Variants in ANAPC1 observed in about 807,000 individuals in gnomAD.
ANAPC1 encodes the protein anaphase promoting complex subunit 1, also known as anaphase-promoting complex subunit 1.
In ANAPC1, 36 loss-of-function variants were observed where a neutral mutation model predicts 208.0. The ratio of observed to expected loss-of-function variants is 0.17; its 90% confidence interval spans 0.13 to 0.23. ANAPC1 has a LOEUF of 0.23. Ranked by LOEUF, ANAPC1 falls within the 10% of genes least tolerant of loss-of-function variation. The pLI is 1.00. For synonymous variants in ANAPC1, 378 were observed against 695.2 expected (o/e 0.54, Z 7.18); for missense variants, 942 against 2,011.6 (o/e 0.47, Z 10.17).
At chr2:111,790,297 T>G (rs1677809388) in intron 38 of ANAPC1, among the ~76,000 whole-genome samples, 1 of 152,082 alleles carries the variant, frequency 6.6e-6, no homozygotes, top group Non-Finnish European at 1.5e-5. Context: ...ATTCCAATAT[T>G]TATATGAAAA....
chr2:111,830,591 G>A (rs1680077909), intron 21 of ANAPC1, among the ~76,000 whole-genome samples: 1 of 152,090 alleles, frequency 6.6e-6, no homozygotes, highest in African/African-American at 2.4e-5. Context: ...GTAGAAACCA[G>A]AAGAAAATAT....
intron 34 of ANAPC1, among the ~76,000 whole-genome samples, chr2:111,798,309 C>T (rs1346891876): frequency 2.6e-5 from 4 of 152,184 alleles, no homozygotes; most frequent in East Asian, 3.9e-4. Flanking sequence ...CTGTGTTTAC[C>T]GTGCTTGAAC....
At chr2:111,867,351 G>C (rs1286814167) in intron 7 of ANAPC1, among the ~76,000 whole-genome samples, 1 of 151,706 alleles carries the variant, frequency 6.6e-6, no homozygotes. Context: ...ACATGCTGCA[G>C]GCCAGATTTA....
chr2:111,794,504 C>T (rs1678053423), intron 35 of ANAPC1, among the ~76,000 whole-genome samples, 181 bp from the exon 36 acceptor site: 1 of 152,018 alleles, frequency 6.6e-6, no homozygotes, highest in African/African-American at 2.4e-5. Flanking sequence ...GGTCACCTTA[C>T]TCATGAAGTT....
At chr2:111,859,431 A>G (rs143849953) in intron 10 of ANAPC1, among the ~76,000 whole-genome samples, 9,023 of 152,176 alleles carry the variant, frequency 0.059, 410 homozygotes, top group Non-Finnish European at 0.075. Flanking sequence ...AGATCACGCC[A>G]TTGCACTCCA....
At chr2:111,806,992 T>C (rs1243149352) in intron 29 of ANAPC1, among the ~76,000 whole-genome samples, 1 of 67,546 alleles carries the variant, frequency 1.5e-5, no homozygotes, top group Non-Finnish European at 2.8e-5. Context: ...GGTCAACGAG[T>C]TCGAGACCAG....
chr2:111,847,589 G>A (rs1040905216), intron 15 of ANAPC1, 136 bp downstream of exon 15: 28 of 1,261,438 alleles, frequency 2.2e-5, no homozygotes, highest in Middle Eastern at 2.6e-4. Flanking sequence ...AAGTAAAATC[G>A]TGCCAAAAAA....
At chr2:111,836,472 C>T (rs974655091) in intron 18 of ANAPC1, among the ~76,000 whole-genome samples, 8 of 150,752 alleles carry the variant, frequency 5.3e-5, no homozygotes, top group African/African-American at 9.7e-5. Context: ...ATAGTAACAC[C>T]TTGTCTCTAC....
At chr2:111,810,568 T>C (rs1024501046) in intron 28 of ANAPC1, among the ~76,000 whole-genome samples, 1 of 148,880 alleles carries the variant, frequency 6.7e-6, no homozygotes, top group African/African-American at 2.5e-5. Flanking sequence ...AGCCAATCTG[T>C]ATGGTTAGAG....
At chr2:111,836,524 G>A (rs1398805438) in intron 18 of ANAPC1, among the ~76,000 whole-genome samples, 6 of 148,400 alleles carry the variant, frequency 4.0e-5, no homozygotes, top group East Asian at 2.0e-4. Flanking sequence ...GGAGCATACC[G>A]GTAGTCCTAG....
intron 9 of ANAPC1, 101 bp from the exon 10 acceptor site, chr2:111,862,699 C>T: frequency 1.4e-6 from 2 of 1,461,768 alleles, no homozygotes; most frequent in Non-Finnish European, 1.8e-6. Context: ...GACAGAAGAG[C>T]ATTCATGGCA....
At chr2:111,792,124 G>A (rs1380676303) in intron 38 of ANAPC1, among the ~76,000 whole-genome samples, 2 of 151,596 alleles carry the variant, frequency 1.3e-5, no homozygotes, top group Admixed American at 1.3e-4. Flanking sequence ...ACCGAGCACA[G>A]ACTATTCTGA....
chr2:111,875,273 T>A (rs1299088570), intron 3 of ANAPC1, among the ~76,000 whole-genome samples: 1 of 152,216 alleles, frequency 6.6e-6, no homozygotes, highest in African/African-American at 2.4e-5. Flanking sequence ...GTAGTTTGTT[T>A]TATTGTTGAG....
At chr2:111,868,604 C>T (rs1682563639) in intron 6 of ANAPC1, among the ~76,000 whole-genome samples, 1 of 152,210 alleles carries the variant, frequency 6.6e-6, no homozygotes, top group Admixed American at 6.5e-5. Flanking sequence ...CATCTCGGCT[C>T]ACTACAACCT....
chr2:111,861,179 G>A (rs1352040460), intron 10 of ANAPC1, among the ~76,000 whole-genome samples: 1 of 152,100 alleles, frequency 6.6e-6, no homozygotes, highest in African/African-American at 2.4e-5. Context: ...AGGTTCAAAT[G>A]ACTCTCTCAC....
chr2:111,789,432 T>C (rs1166838005), intron 38 of ANAPC1, among the ~76,000 whole-genome samples: 3 of 146,576 alleles, frequency 2.0e-5, no homozygotes, highest in Admixed American at 6.9e-5. Flanking sequence ...ATAAATACTT[T>C]TCTTACACAC....
At chr2:111,834,315 T>C (rs1220217627) in intron 19 of ANAPC1, among the ~76,000 whole-genome samples, 3 of 152,330 alleles carry the variant, frequency 2.0e-5, no homozygotes, top group Non-Finnish European at 1.5e-5. Context: ...CACCGCAGTA[T>C]AGCCAGTCAG....
chr2:111,783,801 TGA>T, intron 42 of ANAPC1, 94 bp downstream of exon 42: 1 of 606,998 alleles, frequency 1.6e-6, no homozygotes. Context: ...TAAAGGGTGA[TGA>T]GTCACATTCC....
At chr2:111,840,425 T>C (rs1322804381) in intron 17 of ANAPC1, among the ~76,000 whole-genome samples, 1 of 152,198 alleles carries the variant, frequency 6.6e-6, no homozygotes, top group Non-Finnish European at 1.5e-5. Flanking sequence ...CCTCAAGAAT[T>C]GATTTCCTTA....
Sources: gnomAD v4.1 joint callset for allele counts (sites outside exome capture counted in the v4.1 genomes callset) on GRCh38, gnomAD v4.1.1 for gene constraint, MANE v1.5 for transcripts, NCBI Gene and HGNC (gene_info 2026-07-23, HGNC 2026-07-21) for gene names.